The following SGSM3 variants were observed in gnomAD, a reference collection of about 807,000 sequenced individuals.
The protein encoded by SGSM3 is RUN and SH3 containing 3.
In SGSM3, 96 loss-of-function variants were observed where a neutral mutation model predicts 100.5. The ratio of observed to expected loss-of-function variants is 0.96; its 90% CI spans 0.81 to 1.13. The LOEUF (loss-of-function observed/expected upper bound fraction) is 1.13. SGSM3 is among the 50% of genes most tolerant of loss of function. The probability of loss-of-function intolerance (pLI) is 0.00; values close to 1 mark genes in which losing one functional copy is unlikely to be tolerated. For synonymous variants in SGSM3, 483 were observed against 422.8 expected (o/e 1.14, Z -1.75); for missense variants, 1,001 against 1,015.8 (o/e 0.99, Z 0.20).
At chr22:40,380,259 T>C (rs531942215) in intron 1 of SGSM3, among the ~76,000 whole-genome samples, 3 of 152,324 alleles carry the variant, frequency 2.0e-5, no homozygotes, top group Non-Finnish European at 4.4e-5. Flanking sequence ...GTAATTACAC[T>C]TATCTGCACC....
At chr22:40,381,407 C>T (rs568522052) in intron 1 of SGSM3, among the ~76,000 whole-genome samples, 25 of 152,114 alleles carry the variant, frequency 1.6e-4, no homozygotes, top group Non-Finnish European at 2.6e-4. Flanking sequence ...CCTTGGCCTT[C>T]CAAAGTGCTG....
intron 8 of SGSM3, 56 bp from the exon 9 acceptor site, chr22:40,406,022 G>A (rs781460808): frequency 1.9e-5 from 30 of 1,591,420 alleles, no homozygotes; most frequent in Admixed American, 6.8e-5. Context: ...CTGCAGTTCC[G>A]GGGAGGGAGG....
rs1039996401 is a variant in SGSM3 at position 40,410,119 on chromosome 22, G to GTCT, written c.*364_*366dup. ...TCTGTCTTTGAGAAAGCACCTACCT[G>GTCT]TCTTCTGTGCAGCTAGGGCTGCAGA... On this transcript the variant is annotated 3_prime_UTR_variant, in exon 22 of 22. Transcript: ENST00000248929. The GTCT allele has an allele frequency of 4.3e-6, 5 of 1,151,506 alleles. No homozygotes were observed. In the African/African-American group the frequency reaches 6.4e-5, roughly 15 times the overall value. 71.3% of individuals were successfully genotyped at this position (1,151,506 alleles called of 1,614,324 possible).
chr22:40,402,278 T>A, intron 4 of SGSM3, 73 bp downstream of exon 4: 2 of 1,173,494 alleles, frequency 1.7e-6, no homozygotes, highest in Non-Finnish European at 2.6e-6. Flanking sequence ...TTGACTGAAT[T>A]ACTCGGCCTG....
chr22:40,384,764 G>C (rs1166202859), intron 1 of SGSM3, among the ~76,000 whole-genome samples: 3 of 152,138 alleles, frequency 2.0e-5, no homozygotes, highest in Non-Finnish European at 4.4e-5. Context: ...CTGGGCGACA[G>C]AGCAAGACTC....
Position 40,407,548 on chromosome 22 carries a change from C to A in SGSM3, c.1504C>A (p.Arg502Ser). ...GCACGACGACGACGAGCTGGGCTTC[C>A]GCAAGAACGACATCATCACAGTGCG... The part of the protein sequence containing the change: ...ERHDDDELGF[R>S]KNDIITIVSQ... The change falls in exon 13 of 22, where the codon CGC becomes AGC. Residue 502 changes from arginine to serine, a missense_variant. Arg to Ser is a moderately radical substitution (Grantham distance 110, BLOSUM62 -1). Coordinates refer to ENST00000248929, the MANE Select transcript of SGSM3 (RefSeq NM_015705.6). This position sits in a 1 kb window ranked among gnomAD's most constrained non-coding sequence, Gnocchi z 4.7. The A allele has an allele frequency of 1.2e-6, 2 of 1,604,370 alleles. No individual in the cohort carries two copies. Among genetic ancestry groups the A allele is most frequent in the Non-Finnish European group, 1.7e-6 (2 of 1,179,862 alleles).
chr22:40,388,791 G>T (rs2048872741), intron 1 of SGSM3, among the ~76,000 whole-genome samples: 1 of 152,182 alleles, frequency 6.6e-6, no homozygotes, highest in Non-Finnish European at 1.5e-5. Context: ...AGGCCGAATA[G>T]TTGAGGGGTG....
chr22:40,404,640 C>A lies in SGSM3; in HGVS notation c.450C>A (p.Asn150Lys). 1.9e-6 allele frequency: 3 copies of A among 1,612,718 alleles called. No individual in the cohort carries two copies. The highest frequency in any genetic ancestry group is 1.7e-6 in the Non-Finnish European group (2 of 1,179,294). Reference sequence around the variant, plus strand: ...GCGAGATTGTGAAGAACAGCTCCAACGATGAGACCATCGCTGCCAAGCAGG... The same window carrying A: ...GCGAGATTGTGAAGAACAGCTCCAAAGATGAGACCATCGCTGCCAAGCAGG... ...SYREIVKNSS[N>K]DETIAAKQIE... The change falls in exon 6 of 22, where the codon AAC becomes AAA. Residue 150 changes from asparagine (N) to lysine (K), a missense_variant. Transcript: ENST00000248929.
Position 40,407,836 on chromosome 22 carries a change from C to T in SGSM3, c.1572C>T (p.Gly524=). The T allele has an allele frequency of 1.9e-6, 3 of 1,612,010 alleles. No homozygotes were observed. The highest frequency in any genetic ancestry group is 1.1e-5 in the South Asian group (1 of 90,882). ...ACTGCTGGGTGGGGGAGCTCAACGG[C>T]CTGCGAGGTGGGGTCCTTGGTCTGC... The part of the protein sequence containing the change: ...DEHCWVGELN[G]LRGWFPAKFV... The change falls in exon 14 of 22, where the codon GGC becomes GGT. Residue 524 remains glycine, a synonymous_variant. Coordinates refer to ENST00000248929, the MANE Select transcript of SGSM3 (RefSeq NM_015705.6). The surrounding 1 kb of genome is among the most constrained non-coding windows in gnomAD (Gnocchi z 4.7).
intron 1 of SGSM3, among the ~76,000 whole-genome samples, chr22:40,389,600 GAAAAAA>G (rs71326802): frequency 5.9e-4 from 20 of 33,648 alleles, no homozygotes; most frequent in African/African-American, 9.3e-4. Context: ...CTCCGTCTCA[GAAAAAA>G]AAAAAAAAAA....
chr22:40,379,794 C>T (rs772502017), intron 1 of SGSM3, among the ~76,000 whole-genome samples: 25 of 152,088 alleles, frequency 1.6e-4, no homozygotes, highest in Admixed American at 4.6e-4. Context: ...CTGCAACCTC[C>T]ACCTCCCAGG....
At chr22:40,404,982 C>A in intron 6 of SGSM3, 159 bp from the exon 7 acceptor site, 1 of 531,798 alleles carries the variant, frequency 1.9e-6, no homozygotes, top group Non-Finnish European at 2.4e-6. Context: ...GATGTCCCGG[C>A]TCCACACTGG....
At chr22:40,374,630 C>A (rs2046245275) in intron 1 of SGSM3, among the ~76,000 whole-genome samples, 1 of 152,222 alleles carries the variant, frequency 6.6e-6, no homozygotes, top group Non-Finnish European at 1.5e-5. Context: ...CGCCTGTAAT[C>A]CCAGCACTTT....
At chr22:40,372,121 C>CG (rs1011862774) in intron 1 of SGSM3, among the ~76,000 whole-genome samples, 3 of 114,258 alleles carry the variant, frequency 2.6e-5, no homozygotes, top group African/African-American at 1.1e-4. Flanking sequence ...GTCCCCCCCC[C>CG]CTTTTTTTTT....
intron 1 of SGSM3, among the ~76,000 whole-genome samples, chr22:40,374,238 C>T (rs150102325): frequency 0.016 from 2,458 of 152,270 alleles, 68 homozygotes; most frequent in African/African-American, 0.056. Flanking sequence ...AGGTGTGAGC[C>T]ACCGTGCCCA....
rs369794718 is a variant in SGSM3, at chr22:40,405,260, C to G, written c.594C>G (p.Ile198Met). 2.6e-6 allele frequency: 4 copies of G among 1,522,960 alleles called. No homozygotes were observed. The highest frequency in any genetic ancestry group is 4.8e-5 in the East Asian group (2 of 41,950). 94.3% of individuals were successfully genotyped at this position (1,522,960 alleles called of 1,614,324 possible). A position where few individuals can be genotyped will look rare whatever the true frequency, so the allele number is the denominator to read the frequency against. Residue 198 changes from isoleucine to methionine, a missense_variant, in exon 7 of 22, where the codon ATC becomes ATG. Transcript: ENST00000248929. Reference protein sequence around the residue: ...LRALAWLYPEIGYCQGTGMVA... With the variant: ...LRALAWLYPEMGYCQGTGMVA... ...CCCTGGCCTGGCTCTACCCAGAGAT[C>G]GGCTACTGCCAGGGCACCGGCATGG... is the stretch of plus-strand genomic sequence containing the variant.
At chr22:40,403,102 G>C (rs995899817) in intron 4 of SGSM3, among the ~76,000 whole-genome samples, 10 of 152,274 alleles carry the variant, frequency 6.6e-5, no homozygotes, top group Non-Finnish European at 8.8e-5. Flanking sequence ...GGCTGGGTCA[G>C]TGGAGTCAGA....
At chr22:40,406,253 A>C in intron 9 of SGSM3, 30 bp downstream of exon 9, 1 of 1,612,116 alleles carries the variant, frequency 6.2e-7, no homozygotes, top group Non-Finnish European at 8.5e-7. Context: ...CAGGCTGAGG[A>C]GTAGGCACCC....
At chr22:40,382,676 C>T (rs973832388) in intron 1 of SGSM3, among the ~76,000 whole-genome samples, 1 of 152,160 alleles carries the variant, frequency 6.6e-6, no homozygotes, top group Non-Finnish European at 1.5e-5. Flanking sequence ...GTGGATGGGA[C>T]GTAGACCCCA....
Sources: allele counts gnomAD v4.1 joint callset (sites outside exome capture counted in the v4.1 genomes callset), GRCh38; gene constraint gnomAD v4.1.1; non-coding constraint Gnocchi (gnomAD v3.1); transcripts MANE v1.5; gene names NCBI Gene and HGNC (gene_info 2026-07-23, HGNC 2026-07-21).